Variants in DNAJB13 observed in about 807,000 individuals in gnomAD.
DNAJB13 encodes the protein dnaJ homolog subfamily B member 13.
DNAJB13 carries 22 observed loss-of-function variants against 35.6 expected under a neutral mutation model. The observed-to-expected ratio is 0.62, with a 90% CI of 0.44 to 0.88. The LOEUF (loss-of-function observed/expected upper bound fraction) is 0.88, where lower values mean the gene tolerates loss of function less well. Ranked by LOEUF, DNAJB13 falls within the 40% of genes least tolerant of loss-of-function variation. The pLI is 0.00. For synonymous variants in DNAJB13, 136 were observed against 144.2 expected (o/e 0.94, Z 0.41); for missense variants, 370 against 384.3 (o/e 0.96, Z 0.31).
chr11:73,966,086 G>A lies in DNAJB13; in HGVS notation c.493-52G>A, dbSNP rs367550681. The A allele has an allele frequency of 5.9e-6, 9 of 1,514,162 alleles. No homozygotes were observed. In the African/African-American group the frequency reaches 8.2e-5, roughly 14 times the overall value. 93.8% of individuals were successfully genotyped at this position (1,514,162 alleles called of 1,614,324 possible). The stretch of plus-strand genomic sequence containing the variant: ...ATGAAAATCTGAGCAAATCTCGACT[G>A]TACTCATGGAAGTCCTAAGCAGACC... On this transcript the variant is annotated intron_variant, in intron 4 of 7. Coordinates refer to ENST00000339764, the MANE Select transcript of DNAJB13 (RefSeq NM_153614.4).
At chr11:73,962,320 G>A (rs1297721507) in intron 3 of DNAJB13, among the ~76,000 whole-genome samples, 1 of 151,314 alleles carries the variant, frequency 6.6e-6, no homozygotes, top group African/African-American at 2.4e-5. Flanking sequence ...ACAAGAGTGA[G>A]TGTGGATGGG....
At chr11:73,967,535 A>C (rs1183642850) in intron 5 of DNAJB13, among the ~76,000 whole-genome samples, 1 of 152,140 alleles carries the variant, frequency 6.6e-6, no homozygotes, top group Non-Finnish European at 1.5e-5. Flanking sequence ...ACTTGAGCTC[A>C]GAAGTTTGAG....
intron 4 of DNAJB13, chr11:73,965,910 T>C: frequency 1.9e-6 from 1 of 526,090 alleles, no homozygotes; most frequent in Non-Finnish European, 3.4e-6. Flanking sequence ...GAATCATAAG[T>C]TCTTGGTTGT....
At chr11:73,963,100 C>T (rs1006608070) in intron 3 of DNAJB13, among the ~76,000 whole-genome samples, 3 of 151,994 alleles carry the variant, frequency 2.0e-5, no homozygotes, top group Non-Finnish European at 2.9e-5. Context: ...CTGAGGCCGG[C>T]GGATCACTTG....
At chr11:73,959,412 C>A in intron 2 of DNAJB13, 82 bp from the exon 3 acceptor site, 1 of 1,506,520 alleles carries the variant, frequency 6.6e-7, no homozygotes, top group Non-Finnish European at 9.0e-7. Flanking sequence ...TTCCCTTTCT[C>A]CATATCCGCC....
At chr11:73,965,348 C>CCTG in intron 4 of DNAJB13, 1 of 224,934 alleles carries the variant, frequency 4.4e-6, no homozygotes, top group Admixed American at 5.1e-5. Context: ...TGGGAGGAGT[C>CCTG]TCTTCTGAAT....
chr11:73,966,257 G>C lies in DNAJB13; in HGVS notation c.606+6G>C, dbSNP rs376701383. ...TTGAGAAGGAAGGGGACCAGGTGAGGGGGGAAGAAGCTGACTCAGGTCAGT... is the reference window on the plus strand; with the variant it reads ...TTGAGAAGGAAGGGGACCAGGTGAGCGGGGAAGAAGCTGACTCAGGTCAGT... On this transcript the variant is annotated splice_donor_region_variant and intron_variant, in intron 5 of 7. Transcript: ENST00000339764. The C allele has an allele frequency of 2.7e-4, 427 of 1,609,638 alleles. No homozygotes were observed. The highest frequency in any genetic ancestry group is 3.5e-4 in the Non-Finnish European group (413 of 1,178,070).
Position 73,963,473 on chromosome 11 carries a change from T to C in DNAJB13, c.335-1405T>C, listed in dbSNP as rs539312833. Among the ~76,000 whole-genome samples, 7 of 152,282 alleles carry C rather than the reference T, an allele frequency of 4.6e-5. No individual in the cohort carries two copies. The East Asian group carries it at 1.3e-3, about 29-fold the overall frequency. Reference sequence around the variant, plus strand: ...AAGTGAGTCTACAGGGCATCGCTCATTGGGAAAGGTCAGGCTCAGGGTCTG... The same window carrying C: ...AAGTGAGTCTACAGGGCATCGCTCACTGGGAAAGGTCAGGCTCAGGGTCTG... On this transcript the variant is annotated intron_variant, in intron 3 of 7. Transcript: ENST00000339764.
At chr11:73,953,488 A>C (rs146798161) in intron 1 of DNAJB13, among the ~76,000 whole-genome samples, 1 of 152,180 alleles carries the variant, frequency 6.6e-6, no homozygotes, top group African/African-American at 2.4e-5. Context: ...AAGATTTCAC[A>C]TGAAAGGGTC....
At chr11:73,967,139 C>T (rs1295693027) in intron 5 of DNAJB13, among the ~76,000 whole-genome samples, 2 of 152,182 alleles carry the variant, frequency 1.3e-5, no homozygotes, top group Non-Finnish European at 2.9e-5. Flanking sequence ...AGGCGTGAGC[C>T]ACTGCGCCCA....
At chr11:73,961,744 A>G (rs190919500) in intron 3 of DNAJB13, among the ~76,000 whole-genome samples, 13 of 152,360 alleles carry the variant, frequency 8.5e-5, no homozygotes, top group Admixed American at 4.6e-4. Context: ...AAGGTATGCA[A>G]GAAGGAGGAC....
At chr11:73,961,866 T>C (rs1309613234) in intron 3 of DNAJB13, among the ~76,000 whole-genome samples, 7 of 152,216 alleles carry the variant, frequency 4.6e-5, no homozygotes, top group Non-Finnish European at 7.3e-5. Flanking sequence ...CTTGGCTCAC[T>C]GCAACCTCTG....
At chr11:73,965,384 A>G (rs531804641) in intron 4 of DNAJB13, 1 of 184,828 alleles carries the variant, frequency 5.4e-6, no homozygotes, top group Non-Finnish European at 1.1e-5. Flanking sequence ...TTACCAGACC[A>G]TATTCCCAGG....
chr11:73,951,264 T>C (rs1950579538), intron 1 of DNAJB13, 127 bp downstream of exon 1: 1 of 1,145,226 alleles, frequency 8.7e-7, no homozygotes, highest in Non-Finnish European at 1.3e-6. Context: ...CTTTCACTTC[T>C]TGCATACCTG....
At position 73,968,447 on chromosome 11, in the gene DNAJB13, C is replaced by A; in HGVS notation, c.709C>A (p.Pro237Thr). 6.2e-7 allele frequency: 1 copy of A among 1,613,848 alleles called. No homozygotes were observed. Among genetic ancestry groups the A allele is most frequent in the Non-Finnish European group, 8.5e-7 (1 of 1,179,812 alleles). ...NDNLFFVNPI[P>T]LGKALTCCTV... ...CAACCTCTTCTTCGTGAACCCCATC[C>A]CTCTTGGCAAGGTGAGTGGGCAAAG... Residue 237 changes from proline (P) to threonine (T), a missense_variant, in exon 6 of 8, where the codon CCT (proline) becomes ACT (threonine). Pro to Thr is a conservative substitution (Grantham distance 38). Coordinates refer to ENST00000339764, the MANE Select transcript of DNAJB13 (RefSeq NM_153614.4).
At chr11:73,964,806 T>TGCGCGCGCGC (rs778523226) in intron 3 of DNAJB13, 72 bp from the exon 4 acceptor site, 3 of 721,566 alleles carry the variant, frequency 4.2e-6, no homozygotes, top group Admixed American at 5.0e-5. Flanking sequence ...TGTGTGTGTG[T>TGCGCGCGCGC]GTGTGTGCGC....
chr11:73,966,356 G>A, intron 5 of DNAJB13, 105 bp downstream of exon 5: 1 of 1,087,820 alleles, frequency 9.2e-7, no homozygotes, highest in South Asian at 1.4e-5. Context: ...CTGCCCCTGT[G>A]AGCCTTGGTC....
At chr11:73,958,570 C>T in intron 2 of DNAJB13, 150 bp downstream of exon 2, 1 of 779,108 alleles carries the variant, frequency 1.3e-6, no homozygotes, top group Non-Finnish European at 2.0e-6. Context: ...GAATACGGAC[C>T]CGCCTTTCTC....
intron 1 of DNAJB13, among the ~76,000 whole-genome samples, chr11:73,955,574 G>T (rs1731365325): frequency 6.6e-6 from 1 of 151,960 alleles, no homozygotes; most frequent in Admixed American, 6.6e-5. Context: ...CTCCCAAATT[G>T]CTGGGATTAC....
Sources: allele counts gnomAD v4.1 joint callset (sites outside exome capture counted in the v4.1 genomes callset), GRCh38; gene constraint gnomAD v4.1.1; transcripts MANE v1.5; gene names NCBI Gene and HGNC (gene_info 2026-07-23, HGNC 2026-07-21).